The following MAP2K5 variants were observed in gnomAD, a reference collection of about 807,000 sequenced individuals.
The protein encoded by MAP2K5 is dual specificity mitogen-activated protein kinase kinase 5.
In MAP2K5, 49 loss-of-function variants were observed where a neutral mutation model predicts 83.1. The ratio of observed to expected loss-of-function variants is 0.59; its 90% confidence interval spans 0.47 to 0.75. The LOEUF is 0.75. MAP2K5 is among the 30% of genes least tolerant of loss of function. The probability of loss-of-function intolerance (pLI) is 0.00; values close to 1 mark genes in which losing one functional copy is unlikely to be tolerated. For missense variants in MAP2K5, 457 were observed against 557.5 expected (o/e 0.82, Z 1.82); for synonymous variants, 202 against 191.8 (o/e 1.05, Z -0.44).
At chr15:67,558,978 A>G (rs1319153055) in intron 2 of MAP2K5, among the ~76,000 whole-genome samples, 1 of 152,198 alleles carries the variant, frequency 6.6e-6, no homozygotes, top group African/African-American at 2.4e-5. Flanking sequence ...AGGAATCAGG[A>G]AGAGGGAAGC....
chr15:67,791,428 G>C (rs1406502080), intron 21 of MAP2K5, among the ~76,000 whole-genome samples: 3 of 152,148 alleles, frequency 2.0e-5, no homozygotes, highest in Non-Finnish European at 4.4e-5. Context: ...TTGGGCTCAG[G>C]CATCATTACC....
chr15:67,553,749 T>C (rs2084560510), intron 2 of MAP2K5, among the ~76,000 whole-genome samples: 1 of 150,702 alleles, frequency 6.6e-6, no homozygotes, highest in South Asian at 2.1e-4. Flanking sequence ...CCGTCTCTAC[T>C]AAAAATACAA....
chr15:67,562,239 C>T lies in MAP2K5; in HGVS notation c.185-1044C>T, dbSNP rs1278520589. ...CTACATAGGCTGTCCTCACTGTTGA[C>T]AAATCTTTATAGAAGGATGAAGAGT... is the stretch of plus-strand genomic sequence containing the variant. On this transcript the variant is annotated intron_variant, in intron 2 of 21. Transcript: ENST00000178640. The surrounding 1 kb of genome is among the most constrained non-coding windows in gnomAD (Gnocchi z 4.1). Among the ~76,000 whole-genome samples, 2 of 152,054 alleles carry T rather than the reference C, an allele frequency of 1.3e-5. No individual in the cohort carries two copies. The highest frequency in any genetic ancestry group is 4.8e-5 in the African/African-American group (2 of 41,408).
chr15:67,633,830 A>G (rs1226627537), intron 9 of MAP2K5, among the ~76,000 whole-genome samples: 1 of 152,240 alleles, frequency 6.6e-6, no homozygotes, highest in Non-Finnish European at 1.5e-5. Context: ...TAACTTGTAT[A>G]ATAGTCATAA....
chr15:67,739,422 C>CTATGTATATATA (rs2089420049), intron 17 of MAP2K5, among the ~76,000 whole-genome samples: 1 of 46,642 alleles, frequency 2.1e-5, no homozygotes, highest in African/African-American at 8.2e-5. Flanking sequence ...TTGTGTGTGA[C>CTATGTATATATA]TATATATATA....
At position 67,701,076 on chromosome 15, in the gene MAP2K5, G is replaced by A. The variant is rs188404986; in HGVS notation, c.973-2261G>A. ...TTGTATGTGGGTTCCACTTTTGTGTGTGTGCGTGTTTTTTCTGTATTCTGG... is the reference window on the plus strand; with the variant it reads ...TTGTATGTGGGTTCCACTTTTGTGTATGTGCGTGTTTTTTCTGTATTCTGG... On this transcript the variant is annotated intron_variant, in intron 15 of 21. Coordinates refer to ENST00000178640, the MANE Select transcript of MAP2K5 (RefSeq NM_145160.3). 3.4e-3 allele frequency among the ~76,000 whole-genome samples: 514 copies of A among 152,142 alleles called. 2 individuals carry two copies. Among genetic ancestry groups the A allele is most frequent in the African/African-American group, 0.012 (491 of 41,498 alleles).
At chr15:67,570,185 A>G (rs1029477782) in intron 3 of MAP2K5, among the ~76,000 whole-genome samples, 15 of 152,254 alleles carry the variant, frequency 9.9e-5, no homozygotes, top group African/African-American at 2.7e-4. Context: ...CCAAACTTCT[A>G]TGAAGGCCAT....
chr15:67,666,381 T>C (rs2087379281), intron 13 of MAP2K5, among the ~76,000 whole-genome samples: 1 of 152,226 alleles, frequency 6.6e-6, no homozygotes, highest in South Asian at 2.1e-4. Context: ...AATTTTTTTA[T>C]TTTAATTTTT....
In MAP2K5 at chr15:67,717,105, A is replaced by G. The variant is rs1416740139; in HGVS notation, c.1045-10811A>G. Among the ~76,000 whole-genome samples, 2 of 152,208 alleles carry G rather than the reference A, an allele frequency of 1.3e-5. No individual in the cohort carries two copies. Among genetic ancestry groups the G allele is most frequent in the African/African-American group, 4.8e-5 (2 of 41,458 alleles). On this transcript the variant is annotated intron_variant, in intron 16 of 21. Coordinates refer to ENST00000178640, the MANE Select transcript of MAP2K5 (RefSeq NM_145160.3). The surrounding 1 kb of genome is among the most constrained non-coding windows in gnomAD (Gnocchi z 4.1). ...GTAGATCAAGTAGTTTGAAAAAAGAAGAGATGAATGGTAAATGGAACTGAG... is the reference window on the plus strand; with the variant it reads ...GTAGATCAAGTAGTTTGAAAAAAGAGGAGATGAATGGTAAATGGAACTGAG...
chr15:67,617,726 C>G (rs2086085243), intron 8 of MAP2K5, among the ~76,000 whole-genome samples: 1 of 152,072 alleles, frequency 6.6e-6, no homozygotes, highest in Non-Finnish European at 1.5e-5. Flanking sequence ...GGGCCTCACT[C>G]TGTCACCTAG....
At chr15:67,598,936 G>C (rs2085589110) in intron 7 of MAP2K5, among the ~76,000 whole-genome samples, 1 of 152,212 alleles carries the variant, frequency 6.6e-6, no homozygotes, top group Non-Finnish European at 1.5e-5. Context: ...GGTTGTTACG[G>C]ACATGTTTAG....
At chr15:67,627,199 T>G (rs144591944) in intron 8 of MAP2K5, among the ~76,000 whole-genome samples, 1 of 152,208 alleles carries the variant, frequency 6.6e-6, no homozygotes, top group Non-Finnish European at 1.5e-5. Flanking sequence ...TCCTCCTGCG[T>G]TGGCTTCCCA....
rs1316539108 is a variant in MAP2K5 at position 67,552,625 on chromosome 15, C to T, written c.184+2543C>T. On this transcript the variant is annotated intron_variant, in intron 2 of 21. Coordinates refer to ENST00000178640, the MANE Select transcript of MAP2K5 (RefSeq NM_145160.3). The surrounding 1 kb of genome is among the most constrained non-coding windows in gnomAD (Gnocchi z 4.2). ...AATTAAAAAAATTTTTTTGTAGAAACGGGGTCTTGCTGTGTTGCTCAGGCT... is the reference window on the plus strand; with the variant it reads ...AATTAAAAAAATTTTTTTGTAGAAATGGGGTCTTGCTGTGTTGCTCAGGCT... Among the ~76,000 whole-genome samples, 1 of 152,116 alleles carries T rather than the reference C, an allele frequency of 6.6e-6. No individual in the cohort carries two copies. Among genetic ancestry groups the T allele is most frequent in the South Asian group, 2.1e-4 (1 of 4,818 alleles).
At chr15:67,583,188 C>A (rs999781495) in intron 4 of MAP2K5, among the ~76,000 whole-genome samples, 16 of 152,024 alleles carry the variant, frequency 1.1e-4, no homozygotes, top group Admixed American at 4.6e-4. Context: ...GCTTACTATG[C>A]CCTTTGAGTA....
At position 67,748,503 on chromosome 15, in the gene MAP2K5, T is replaced by C. The variant is rs1199055306; in HGVS notation, c.1102-66T>C. ...TTTTATTGCATTAATGATTTTTTCT[T>C]TCCACTCCACTGTAAAGATATTGCA... On this transcript the variant is annotated intron_variant, in intron 18 of 21. Transcript: ENST00000178640. The surrounding 1 kb of genome is among the most constrained non-coding windows in gnomAD (Gnocchi z 4.0). The C allele has an allele frequency of 7.1e-7, 1 of 1,406,132 alleles. No homozygotes were observed. Among genetic ancestry groups the C allele is most frequent in the Non-Finnish European group, 1.0e-6 (1 of 1,004,740 alleles). The allele number at this position is 1,406,132 out of a possible 1,614,324, so 87.1% of individuals were successfully genotyped here. A position where few individuals can be genotyped will look rare whatever the true frequency, so the allele number is the denominator to read the frequency against.
intron 16 of MAP2K5, among the ~76,000 whole-genome samples, chr15:67,710,681 T>C (rs2088670526): frequency 6.6e-6 from 1 of 151,988 alleles, no homozygotes; most frequent in Admixed American, 6.6e-5. Flanking sequence ...TTTTTGTATT[T>C]TTAGTAGAGA....
chr15:67,688,614 C>G lies in MAP2K5; in HGVS notation c.848-3865C>G, dbSNP rs78368280. 1.7e-3 allele frequency among the ~76,000 whole-genome samples: 264 copies of G among 152,306 alleles called. 1 individual carries two copies. Among genetic ancestry groups the G allele is most frequent in the Middle Eastern group, 0.014 (4 of 294 alleles). On this transcript the variant is annotated intron_variant, in intron 13 of 21. Transcript: ENST00000178640. Reference sequence around the variant, plus strand: ...AATATAATGAAATATACAACTTTTTCTAGCTTGGTTGATTACCAATTGATA... The same window carrying G: ...AATATAATGAAATATACAACTTTTTGTAGCTTGGTTGATTACCAATTGATA...
At chr15:67,805,196 T>C (rs2090778044) in intron 21 of MAP2K5, among the ~76,000 whole-genome samples, 1 of 151,398 alleles carries the variant, frequency 6.6e-6, no homozygotes, top group Non-Finnish European at 1.5e-5. Context: ...CTGACAGTGC[T>C]CTGTGTGCCT....
intron 15 of MAP2K5, among the ~76,000 whole-genome samples, chr15:67,695,231 C>T (rs1181173409): frequency 6.6e-6 from 1 of 151,594 alleles, no homozygotes; most frequent in African/African-American, 2.4e-5. Flanking sequence ...GTACATTGTG[C>T]ACATGTACCC....
Sources: gnomAD v4.1 joint callset for allele counts (sites outside exome capture counted in the v4.1 genomes callset) on GRCh38, gnomAD v4.1.1 for gene constraint, Gnocchi (gnomAD v3.1) non-coding constraint, MANE v1.5 for transcripts, NCBI Gene and HGNC (gene_info 2026-07-23, HGNC 2026-07-21) for gene names.